The following TMEM132C variants were observed in gnomAD, a reference collection of about 807,000 sequenced individuals.
TMEM132C encodes transmembrane protein 132C.
TMEM132C carries 29 observed loss-of-function variants against 61.4 expected under a neutral mutation model. The observed-to-expected ratio is 0.47, with a 90% CI of 0.35 to 0.64. The LOEUF is 0.64. TMEM132C is among the 30% of genes least tolerant of loss of function. The pLI, the probability that TMEM132C is intolerant of heterozygous loss-of-function variation, is 0.00. For missense variants in TMEM132C, 1,408 were observed against 1,476.9 expected (o/e 0.95, Z 0.76); for synonymous variants, 656 against 633.1 (o/e 1.04, Z -0.54).
intron 2 of TMEM132C, among the ~76,000 whole-genome samples, chr12:128,511,911 G>T (rs956310145): frequency 6.6e-6 from 1 of 152,148 alleles, no homozygotes; most frequent in Admixed American, 6.5e-5. Context: ...AGAGGCTGGT[G>T]CACCTGTCCT....
In TMEM132C at chr12:128,356,633, G is replaced by C. The variant is rs77237311; in HGVS notation, c.86-58099G>C. Among the ~76,000 whole-genome samples, 1,434 of 152,308 alleles carry C rather than the reference G, an allele frequency of 9.4e-3. 20 individuals are homozygous for C. Among genetic ancestry groups the C allele is most frequent in the African/African-American group, 0.033 (1,380 of 41,554 alleles). ...AGCAACCGTAATTAGTGATTTTCTA[G>C]GGTTGAACAGGACACTTCCTGCTTT... On this transcript the variant is annotated intron_variant, in intron 1 of 8. Coordinates refer to ENST00000435159, the MANE Select transcript of TMEM132C (RefSeq NM_001136103.3).
intron 2 of TMEM132C, among the ~76,000 whole-genome samples, chr12:128,427,625 C>T (rs558724432): frequency 1.3e-5 from 2 of 152,106 alleles, no homozygotes; most frequent in African/African-American, 2.4e-5. Context: ...TCCAAGCTCT[C>T]GATACTCCAT....
intron 1 of TMEM132C, among the ~76,000 whole-genome samples, chr12:128,325,349 A>T (rs546281604): frequency 3.9e-5 from 6 of 152,294 alleles, no homozygotes; most frequent in African/African-American, 1.2e-4. Flanking sequence ...AAAGGTAAAC[A>T]TGAACATTGA....
intron 2 of TMEM132C, among the ~76,000 whole-genome samples, chr12:128,484,219 A>G (rs1214642174): frequency 6.6e-6 from 1 of 152,228 alleles, no homozygotes; most frequent in African/African-American, 2.4e-5. Flanking sequence ...TAAGGGGACG[A>G]CATTCTAAGT....
At chr12:128,354,745 G>A (rs569136387) in intron 1 of TMEM132C, among the ~76,000 whole-genome samples, 173 of 152,282 alleles carry the variant, frequency 1.1e-3, no homozygotes, top group Middle Eastern at 3.4e-3. Flanking sequence ...TGATCTGTGC[G>A]TCTGCAGAAC....
intron 1 of TMEM132C, among the ~76,000 whole-genome samples, chr12:128,387,140 C>CAGA (rs1874609674): frequency 1.2e-5 from 1 of 85,628 alleles, no homozygotes. Flanking sequence ...GACTCTGCCT[C>CAGA]AAAAAAAAAA....
At chr12:128,291,671 T>G (rs539469855) in intron 1 of TMEM132C, among the ~76,000 whole-genome samples, 43 of 152,190 alleles carry the variant, frequency 2.8e-4, no homozygotes, top group Non-Finnish European at 5.0e-4. Flanking sequence ...TTGAGTCCTG[T>G]GCTGGTTGAG....
intron 2 of TMEM132C, among the ~76,000 whole-genome samples, chr12:128,494,488 T>C (rs1201317637): frequency 6.6e-6 from 1 of 152,222 alleles, no homozygotes; most frequent in Non-Finnish European, 1.5e-5. Flanking sequence ...GGACTTCTTT[T>C]GGTTGGTAGG....
chr12:128,469,305 C>G (rs1472762654), intron 2 of TMEM132C, among the ~76,000 whole-genome samples: 2 of 151,028 alleles, frequency 1.3e-5, no homozygotes, highest in Admixed American at 1.3e-4. Flanking sequence ...AGCGTGAGTG[C>G]ACACAAGTAA....
chr12:128,571,889 T>C (rs1384598732), intron 3 of TMEM132C, among the ~76,000 whole-genome samples: 1 of 152,230 alleles, frequency 6.6e-6, no homozygotes, highest in African/African-American at 2.4e-5. Flanking sequence ...TCTTCTTAGA[T>C]ATAAATCAAG....
intron 3 of TMEM132C, among the ~76,000 whole-genome samples, chr12:128,580,356 G>A (rs777120210): frequency 1.3e-5 from 2 of 152,156 alleles, no homozygotes; most frequent in Non-Finnish European, 2.9e-5. Flanking sequence ...GGGAGGTGGA[G>A]CTTGCAGTGA....
At chr12:128,348,896 T>G (rs1246798374) in intron 1 of TMEM132C, among the ~76,000 whole-genome samples, 5 of 152,240 alleles carry the variant, frequency 3.3e-5, no homozygotes, top group Non-Finnish European at 7.3e-5. Context: ...CTGAGAGAAT[T>G]GGCTGAAAAT....
At chr12:128,350,375 A>G (rs1255915723) in intron 1 of TMEM132C, among the ~76,000 whole-genome samples, 1 of 152,120 alleles carries the variant, frequency 6.6e-6, no homozygotes, top group Non-Finnish European at 1.5e-5. Context: ...GCAATGCTGT[A>G]GAGAGGACAG....
intron 3 of TMEM132C, among the ~76,000 whole-genome samples, chr12:128,573,285 A>G (rs2136173799): frequency 6.6e-6 from 1 of 152,332 alleles, no homozygotes; most frequent in South Asian, 2.1e-4. Flanking sequence ...AAAAATGATG[A>G]GTTCATGTCC....
At position 128,532,666 on chromosome 12, in the gene TMEM132C, AAGAG is replaced by A. The variant is rs1873361353; in HGVS notation, c.975-11290_975-11287del. Among the ~76,000 whole-genome samples the A allele has an allele frequency of 2.8e-5, 4 of 144,434 alleles. No homozygotes were observed. In the East Asian group the frequency reaches 8.2e-4, roughly 29 times the overall value. The allele number at this position is 144,434 out of a possible 152,430, so 94.8% of individuals were successfully genotyped here. On this transcript the variant is annotated intron_variant, in intron 2 of 8. Coordinates refer to ENST00000435159, the MANE Select transcript of TMEM132C (RefSeq NM_001136103.3). Reference sequence around the variant, plus strand: ...AAAAAAAAAAAAAAAAAAAAAAAAAAAGAGCAGTAGCCAAATTAGAGAAACATAT... The same window carrying A: ...AAAAAAAAAAAAAAAAAAAAAAAAAACAGTAGCCAAATTAGAGAAACATAT...
chr12:128,347,418 TCTCTC>T (rs1873199260), intron 1 of TMEM132C, among the ~76,000 whole-genome samples: 2 of 149,190 alleles, frequency 1.3e-5, no homozygotes, highest in African/African-American at 5.1e-5. Flanking sequence ...TCTCTCTCTC[TCTCTC>T]TCTCTCTCTC....
chr12:128,473,742 C>G (rs1449669515), intron 2 of TMEM132C, among the ~76,000 whole-genome samples: 1 of 152,112 alleles, frequency 6.6e-6, no homozygotes. Context: ...TCACTTCAGC[C>G]TCTGTCTTCA....
chr12:128,382,634 A>G (rs1450152924), intron 1 of TMEM132C, among the ~76,000 whole-genome samples: 2 of 152,232 alleles, frequency 1.3e-5, no homozygotes, highest in Non-Finnish European at 2.9e-5. Flanking sequence ...TCCAGCTTTA[A>G]TAATAATGAT....
At chr12:128,657,986 A>G (rs1954343554) in intron 4 of TMEM132C, among the ~76,000 whole-genome samples, 1 of 152,230 alleles carries the variant, frequency 6.6e-6, no homozygotes, top group South Asian at 2.1e-4. Flanking sequence ...AGGAAAGCAA[A>G]GCTCCAACAA....
Sources: allele counts gnomAD v4.1 joint callset (sites outside exome capture counted in the v4.1 genomes callset), GRCh38; gene constraint gnomAD v4.1.1; transcripts MANE v1.5; gene names NCBI Gene and HGNC (gene_info 2026-07-23, HGNC 2026-07-21).